Variants in CABIN1 observed in about 807,000 individuals in gnomAD.
CABIN1 encodes calcineurin-binding protein cabin-1.
CABIN1 carries 133 observed loss-of-function variants against 227.7 expected under a neutral mutation model. The observed-to-expected ratio is 0.58, with a 90% CI of 0.51 to 0.67. The LOEUF (loss-of-function observed/expected upper bound fraction) is 0.67, where lower values mean the gene tolerates loss of function less well. Ranked by LOEUF, CABIN1 falls within the 30% of genes least tolerant of loss-of-function variation. CABIN1 has a pLI of 0.00. For missense variants in CABIN1, 2,408 were observed against 2,852.5 expected (o/e 0.84, Z 3.55); for synonymous variants, 1,086 against 1,155.1 (o/e 0.94, Z 1.21).
rs751673746 is a variant in CABIN1 at position 24,070,956 on chromosome 22, G to C, written c.2389G>C (p.Ala797Pro). 1 of 1,614,184 alleles carries C rather than the reference G, an allele frequency of 6.2e-7. No homozygotes were observed. Among genetic ancestry groups the C allele is most frequent in the Non-Finnish European group, 8.5e-7 (1 of 1,180,032 alleles). Residue 797 changes from alanine to proline, a missense_variant, in exon 17 of 37, where the codon GCC becomes CCC. Transcript: ENST00000263119. ...CCAACTGCTGATGGGCATCGAGCAGGCCCTCTCTGCGGACAGCAGTGGTAG... is the reference window on the plus strand; with the variant it reads ...CCAACTGCTGATGGGCATCGAGCAGCCCCTCTCTGCGGACAGCAGTGGTAG... ...VTQLLMGIEQ[A>P]LSADSSGSIL...
rs534615980 is a variant in CABIN1 at position 24,012,296 on chromosome 22, G to T, written c.-75+929G>T. Among the ~76,000 whole-genome samples the T allele has an allele frequency of 7.9e-5, 12 of 152,150 alleles. No individual in the cohort carries two copies. The South Asian group carries it at 2.5e-3, about 32-fold the overall frequency. ...GACCGAAGTTTTAATTTTATATATT[G>T]TTAATATAATTTTCACGTGTCATGA... On this transcript the variant is annotated intron_variant, in intron 1 of 36. Transcript: ENST00000263119.
intron 29 of CABIN1, among the ~76,000 whole-genome samples, chr22:24,136,650 G>A (rs1191156834): frequency 6.7e-6 from 1 of 149,002 alleles, no homozygotes; most frequent in South Asian, 2.1e-4. Context: ...ACAGGCGTGA[G>A]TCACTGTGCC....
chr22:24,012,396 A>T (rs553351142), intron 1 of CABIN1, among the ~76,000 whole-genome samples: 1 of 152,302 alleles, frequency 6.6e-6, no homozygotes, highest in East Asian at 1.9e-4. Flanking sequence ...TGGGCTGGTT[A>T]GCTTGCAGAA....
chr22:24,147,374 T>A (rs1009212657), intron 29 of CABIN1, among the ~76,000 whole-genome samples: 6 of 137,650 alleles, frequency 4.4e-5, no homozygotes, highest in African/African-American at 1.6e-4. Flanking sequence ...CTTCCCTGCC[T>A]CCCTCCCTCC....
chr22:24,165,705 C>G, intron 31 of CABIN1, 79 bp downstream of exon 31: 2 of 1,172,946 alleles, frequency 1.7e-6, no homozygotes, highest in Non-Finnish European at 2.5e-6. Flanking sequence ...GGCCCGATCC[C>G]TCTATTTGCA....
At position 24,019,120 on chromosome 22, in the gene CABIN1, GTTTTTTTTTTTTTTT is replaced by G. The variant is rs945660140; in HGVS notation, c.-75+7767_-75+7781del. ...ATATTGTGCAACTTCACTGAGTGTT[GTTTTTTTTTTTTTTT>G]TTTTTTTTTTTTTGAGAAGGAGTCT... On this transcript the variant is annotated intron_variant, in intron 1 of 36. Coordinates refer to ENST00000263119, the MANE Select transcript of CABIN1 (RefSeq NM_012295.4). Among the ~76,000 whole-genome samples, 8 of 40,216 alleles carry G rather than the reference GTTTTTTTTTTTTTTT, an allele frequency of 2.0e-4. No homozygotes were observed. The Admixed American group carries it at 3.0e-3, about 15-fold the overall frequency. The allele number at this position is 40,216 out of a possible 152,430, so 26.4% of individuals were successfully genotyped here. A position where few individuals can be genotyped will look rare whatever the true frequency, so the allele number is the denominator to read the frequency against.
chr22:24,076,140 C>T (rs768297742), intron 18 of CABIN1, 29 bp from the exon 19 acceptor site: 3 of 1,575,472 alleles, frequency 1.9e-6, no homozygotes. Context: ...CACACTAACT[C>T]TGTGTCTGTC....
chr22:24,075,946 A>G (rs972679072), intron 18 of CABIN1, among the ~76,000 whole-genome samples: 2 of 149,928 alleles, frequency 1.3e-5, no homozygotes, highest in African/African-American at 2.5e-5. Context: ...ATTTTCCTAT[A>G]TGGCTTGAAT....
chr22:24,055,034 A>C lies in CABIN1; in HGVS notation c.968A>C (p.Gln323Pro). The C allele has an allele frequency of 1.2e-6, 2 of 1,614,244 alleles. No individual in the cohort carries two copies. Among genetic ancestry groups the C allele is most frequent in the Non-Finnish European group, 1.7e-6 (2 of 1,180,042 alleles). The change falls in exon 9 of 37, where the codon CAG becomes CCG. Residue 323 changes from glutamine (Q) to proline (P), a missense_variant. Physicochemically the swap from Gln to Pro is moderately conservative, Grantham distance 76. This residue lies in a region of CABIN1 where 1,045 missense variants were observed against 1,168.4 expected (regional missense o/e 0.89). Transcript: ENST00000263119. The part of the protein sequence containing the change: ...SMVVTPVNVI[Q>P]PSTVSTNPAV... ...GTGGTGACGCCAGTTAACGTGATCC[A>C]GCCAAGCACTGTCAGCACCAACCCA...
intron 26 of CABIN1, among the ~76,000 whole-genome samples, chr22:24,103,837 C>A (rs1237864881): frequency 6.6e-6 from 1 of 152,132 alleles, no homozygotes. Context: ...TGCCTTGATT[C>A]CTGCTCCCAG....
At chr22:24,130,295 C>T (rs911980131) in intron 28 of CABIN1, among the ~76,000 whole-genome samples, 7 of 152,122 alleles carry the variant, frequency 4.6e-5, no homozygotes, top group Non-Finnish European at 1.0e-4. Context: ...CAGCACATGC[C>T]CAGGCGGATT....
At chr22:24,042,866 GTGTGTGTGTGTT>G (rs752487735) in intron 5 of CABIN1, 26 bp from the exon 6 acceptor site, 3 of 1,279,038 alleles carry the variant, frequency 2.3e-6, no homozygotes, top group African/African-American at 1.5e-5. Context: ...GTGTGTGTGT[GTGTGTGTGTGTT>G]TGCCCTCTGC....
intron 27 of CABIN1, among the ~76,000 whole-genome samples, chr22:24,116,929 G>A (rs1451655487): frequency 6.6e-6 from 1 of 152,260 alleles, no homozygotes; most frequent in East Asian, 1.9e-4. Flanking sequence ...GCCTAGGCTA[G>A]AGCAGCCAGA....
intron 26 of CABIN1, among the ~76,000 whole-genome samples, chr22:24,104,129 C>T (rs904049201): frequency 1.3e-5 from 2 of 152,036 alleles, no homozygotes; most frequent in African/African-American, 4.8e-5. Flanking sequence ...TTCCTGTGGG[C>T]AGTAGGGAGA....
At chr22:24,089,644 G>A (rs1331112178) in intron 23 of CABIN1, among the ~76,000 whole-genome samples, 1 of 152,164 alleles carries the variant, frequency 6.6e-6, no homozygotes, top group East Asian at 1.9e-4. Context: ...CCTGAAATGT[G>A]TCACGAGGAC....
intron 19 of CABIN1, among the ~76,000 whole-genome samples, chr22:24,081,801 T>C (rs995330772): frequency 6.6e-6 from 1 of 151,594 alleles, no homozygotes; most frequent in East Asian, 1.9e-4. Context: ...CTGAGGCGGG[T>C]GGATCACCTG....
At chr22:24,141,142 G>A (rs2044732700) in intron 29 of CABIN1, among the ~76,000 whole-genome samples, 1 of 152,252 alleles carries the variant, frequency 6.6e-6, no homozygotes, top group African/African-American at 2.4e-5. Context: ...ACTGAAGCAC[G>A]GAGCAGGAGG....
intron 28 of CABIN1, 123 bp downstream of exon 28, chr22:24,119,821 C>A: frequency 1.0e-6 from 1 of 1,002,758 alleles, no homozygotes; most frequent in South Asian, 1.3e-5. Context: ...GAGGGATGGG[C>A]GAGGAGAGCT....
intron 25 of CABIN1, among the ~76,000 whole-genome samples, 178 bp from the exon 26 acceptor site, chr22:24,097,836 C>T (rs931167529): frequency 1.3e-5 from 2 of 152,210 alleles, no homozygotes; most frequent in Admixed American, 6.5e-5. Flanking sequence ...GAGCCAGAGC[C>T]TGTGTGGGTG....
Sources: gnomAD v4.1 joint callset for allele counts (sites outside exome capture counted in the v4.1 genomes callset) on GRCh38, gnomAD v4.1.1 for gene constraint, gnomAD v4.1.1 regional missense constraint, MANE v1.5 for transcripts, NCBI Gene and HGNC (gene_info 2026-07-23, HGNC 2026-07-21) for gene names.